HS6ST3: variants seen among roughly 807,000 people sequenced by gnomAD.
HS6ST3 encodes heparan sulfate 6-O-sulfotransferase 3.
Under a neutral mutation model 36.7 loss-of-function variants are expected in HS6ST3, and 12 were observed. The ratio of observed to expected loss-of-function variants is 0.33; its 90% CI spans 0.21 to 0.53. The LOEUF is 0.53. Ranked by LOEUF, HS6ST3 falls within the 20% of genes least tolerant of loss-of-function variation. The pLI, the probability that HS6ST3 is intolerant of heterozygous loss-of-function variation, is 0.95. For synonymous variants in HS6ST3, 240 were observed against 257.5 expected (o/e 0.93, Z 0.65); for missense variants, 584 against 640.9 (o/e 0.91, Z 0.96).
intron 1 of HS6ST3, among the ~76,000 whole-genome samples, chr13:96,294,994 T>C (rs950543995): frequency 6.6e-6 from 1 of 152,128 alleles, no homozygotes; most frequent in Non-Finnish European, 1.5e-5. Context: ...GAATTAGTTA[T>C]GTTAAAGGAG....
intron 1 of HS6ST3, among the ~76,000 whole-genome samples, chr13:96,650,234 A>G (rs72643876): frequency 0.011 from 1,610 of 152,236 alleles, 18 homozygotes; most frequent in African/African-American, 0.024. Flanking sequence ...TTTACCATGT[A>G]TATCCCCAAC....
intron 1 of HS6ST3, among the ~76,000 whole-genome samples, chr13:96,461,871 T>G (rs984947491): frequency 6.6e-6 from 1 of 151,974 alleles, no homozygotes; most frequent in South Asian, 2.1e-4. Flanking sequence ...TAGAAAAAAA[T>G]AAAAATTATA....
At chr13:96,292,210 A>ATGTGTGTG (rs4001473) in intron 1 of HS6ST3, among the ~76,000 whole-genome samples, 16 of 149,872 alleles carry the variant, frequency 1.1e-4, no homozygotes, top group African/African-American at 3.9e-4. Flanking sequence ...TTTAGAGTAA[A>ATGTGTGTG]TGTGTGTGTG....
At chr13:96,816,613 C>T (rs1356992321) in intron 1 of HS6ST3, among the ~76,000 whole-genome samples, 1 of 152,162 alleles carries the variant, frequency 6.6e-6, no homozygotes, top group African/African-American at 2.4e-5. Context: ...GCCCTGTTCT[C>T]CCTGACCCCT....
At chr13:96,347,685 T>C (rs1223874365) in intron 1 of HS6ST3, among the ~76,000 whole-genome samples, 1 of 152,194 alleles carries the variant, frequency 6.6e-6, no homozygotes, top group Non-Finnish European at 1.5e-5. Flanking sequence ...GAACAGAACA[T>C]ATAATACATG....
At chr13:96,284,819 C>T (rs1401071585) in intron 1 of HS6ST3, among the ~76,000 whole-genome samples, 4 of 151,704 alleles carry the variant, frequency 2.6e-5, no homozygotes, top group African/African-American at 4.8e-5. Flanking sequence ...TTCTTTCTTT[C>T]TTTTTTTGAA....
chr13:96,310,609 C>G lies in HS6ST3; in HGVS notation c.707+219040C>G, dbSNP rs938305417. ...TTTCTATCTCTGTCTCCCTCCCTCCCTGCCTCCCTCCCTATCTCCCTCCCT... is the reference window on the plus strand; with the variant it reads ...TTTCTATCTCTGTCTCCCTCCCTCCGTGCCTCCCTCCCTATCTCCCTCCCT... On this transcript the variant is annotated intron_variant, in intron 1 of 1. Coordinates refer to ENST00000376705, the MANE Select transcript of HS6ST3 (RefSeq NM_153456.4). Among the ~76,000 whole-genome samples, 4 of 151,330 alleles carry G rather than the reference C, an allele frequency of 2.6e-5. No individual in the cohort carries two copies. The South Asian group carries it at 8.4e-4, about 32-fold the overall frequency.
intron 1 of HS6ST3, among the ~76,000 whole-genome samples, chr13:96,717,377 TAA>T (rs761707211): frequency 2.6e-5 from 4 of 152,190 alleles, no homozygotes; most frequent in Non-Finnish European, 4.4e-5. Context: ...CTGAGAAGAA[TAA>T]AAGTGTCTGG....
At chr13:96,805,477 A>G (rs1355599366) in intron 1 of HS6ST3, among the ~76,000 whole-genome samples, 2 of 152,200 alleles carry the variant, frequency 1.3e-5, no homozygotes, top group Non-Finnish European at 2.9e-5. Context: ...AGTCTCAGGT[A>G]GTTCTTTATA....
chr13:96,145,045 C>G (rs1431206010), intron 1 of HS6ST3, among the ~76,000 whole-genome samples: 21 of 146,600 alleles, frequency 1.4e-4, no homozygotes, highest in Non-Finnish European at 3.0e-4. Flanking sequence ...TCCAGTCTAT[C>G]ATTGTTGGAC....
intron 1 of HS6ST3, among the ~76,000 whole-genome samples, chr13:96,593,732 T>C (rs980533309): frequency 1.3e-5 from 2 of 152,016 alleles, no homozygotes; most frequent in African/African-American, 4.8e-5. Context: ...GGTGCATATA[T>C]ATTTATAATA....
intron 1 of HS6ST3, among the ~76,000 whole-genome samples, chr13:96,671,481 G>C (rs2056682526): frequency 1.3e-5 from 2 of 152,138 alleles, no homozygotes; most frequent in East Asian, 3.9e-4. Context: ...GTATATTCAT[G>C]TGCTAGGGCT....
chr13:96,577,167 G>C (rs906385047), intron 1 of HS6ST3, among the ~76,000 whole-genome samples: 6 of 151,808 alleles, frequency 4.0e-5, no homozygotes, highest in African/African-American at 1.5e-4. Flanking sequence ...CTTTCCCCTA[G>C]CCTCCAACCC....
chr13:96,112,578 A>AAT (rs59107741), intron 1 of HS6ST3, among the ~76,000 whole-genome samples: 1,524 of 80,614 alleles, frequency 0.019, 22 homozygotes, highest in Non-Finnish European at 0.022. Flanking sequence ...AAAATAAATA[A>AAT]ATATATATAT....
intron 1 of HS6ST3, among the ~76,000 whole-genome samples, chr13:96,347,148 T>C (rs1273153458): frequency 6.6e-6 from 1 of 152,194 alleles, no homozygotes; most frequent in Non-Finnish European, 1.5e-5. Flanking sequence ...CCAGATAAGC[T>C]GTGCCTGGAT....
intron 1 of HS6ST3, among the ~76,000 whole-genome samples, chr13:96,317,025 G>C (rs1274821034): frequency 1.3e-5 from 2 of 151,804 alleles, no homozygotes; most frequent in Non-Finnish European, 2.9e-5. Context: ...TAGATACAGA[G>C]GGTACATGTG....
At chr13:96,693,151 G>A (rs1359734651) in intron 1 of HS6ST3, among the ~76,000 whole-genome samples, 2 of 152,072 alleles carry the variant, frequency 1.3e-5, no homozygotes, top group East Asian at 3.9e-4. Context: ...CTCTATAGGT[G>A]ATGGGTAAAA....
chr13:96,106,262 G>A (rs1381709142), intron 1 of HS6ST3, among the ~76,000 whole-genome samples: 1 of 152,160 alleles, frequency 6.6e-6, no homozygotes, highest in Non-Finnish European at 1.5e-5. Context: ...AATTAATAGA[G>A]TACAACCGAA....
chr13:96,768,671 G>A (rs546322389), intron 1 of HS6ST3, among the ~76,000 whole-genome samples: 5 of 152,068 alleles, frequency 3.3e-5, no homozygotes, highest in South Asian at 4.1e-4. Context: ...TCCCATGAGC[G>A]TGCCCTTCAT....
Sources: gnomAD v4.1 joint callset for allele counts (sites outside exome capture counted in the v4.1 genomes callset) on GRCh38, gnomAD v4.1.1 for gene constraint, MANE v1.5 for transcripts, NCBI Gene and HGNC (gene_info 2026-07-23, HGNC 2026-07-21) for gene names.